ZNF618: variants seen among roughly 807,000 people sequenced by gnomAD.
ZNF618 encodes neural precursor cell expressed, developmentally down-regulated 10.
In ZNF618, 34 loss-of-function variants were observed where a neutral mutation model predicts 103.0. The observed-to-expected ratio is 0.33, with a 90% CI of 0.25 to 0.44. The LOEUF is 0.44. Ranked by LOEUF, ZNF618 falls within the 20% of genes least tolerant of loss-of-function variation. The pLI is 1.00. For synonymous variants in ZNF618, 551 were observed against 542.2 expected (o/e 1.02, Z -0.23); for missense variants, 1,059 against 1,295.4 (o/e 0.82, Z 2.80).
At chr9:113,985,903 G>A (rs1040459194) in intron 2 of ZNF618, among the ~76,000 whole-genome samples, 2 of 152,184 alleles carry the variant, frequency 1.3e-5, no homozygotes, top group African/African-American at 2.4e-5. Context: ...GAACACTGCC[G>A]GGCACATAGG....
At chr9:113,979,494 C>T (rs1293501489) in intron 2 of ZNF618, among the ~76,000 whole-genome samples, 1 of 152,234 alleles carries the variant, frequency 6.6e-6, no homozygotes, top group East Asian at 1.9e-4. Flanking sequence ...TGTGAAACAT[C>T]CCTAACCTAT....
intron 1 of ZNF618, among the ~76,000 whole-genome samples, chr9:113,931,255 G>A (rs1290265859): frequency 6.6e-6 from 1 of 152,228 alleles, no homozygotes; most frequent in Non-Finnish European, 1.5e-5. Context: ...TCAGCATAGA[G>A]GCATGAGGTG....
At chr9:113,983,149 T>C (rs575829263) in intron 2 of ZNF618, among the ~76,000 whole-genome samples, 1 of 152,302 alleles carries the variant, frequency 6.6e-6, no homozygotes, top group Non-Finnish European at 1.5e-5. Flanking sequence ...TACCTAATGA[T>C]TCGTGCTGAG....
intron 3 of ZNF618, among the ~76,000 whole-genome samples, chr9:113,989,839 TG>T (rs1839859258): frequency 1.3e-5 from 2 of 152,248 alleles, no homozygotes; most frequent in South Asian, 4.1e-4. Context: ...ACCTGGGTCA[TG>T]GCAGCATCCT....
chr9:114,009,481 A>C (rs1842051113), intron 9 of ZNF618, among the ~76,000 whole-genome samples: 3 of 152,062 alleles, frequency 2.0e-5, no homozygotes, highest in African/African-American at 7.2e-5. Flanking sequence ...TGCTGCTGGG[A>C]GGAAGATAGA....
intron 3 of ZNF618, among the ~76,000 whole-genome samples, chr9:113,989,503 T>G (rs1377564587): frequency 6.6e-6 from 1 of 152,266 alleles, no homozygotes; most frequent in Non-Finnish European, 1.5e-5. Context: ...CATAAAGTCC[T>G]CATTCCTGGC....
At chr9:113,949,682 C>T (rs533879856) in intron 1 of ZNF618, among the ~76,000 whole-genome samples, 1 of 152,360 alleles carries the variant, frequency 6.6e-6, no homozygotes, top group South Asian at 2.1e-4. Flanking sequence ...CCTACATGGT[C>T]CACCTCTGTC....
At chr9:113,966,095 C>T (rs1837383254) in intron 1 of ZNF618, among the ~76,000 whole-genome samples, 1 of 152,166 alleles carries the variant, frequency 6.6e-6, no homozygotes, top group African/African-American at 2.4e-5. Flanking sequence ...ATAGTGGCCT[C>T]TATAACTATA....
At chr9:113,934,968 G>A (rs780761828) in intron 1 of ZNF618, among the ~76,000 whole-genome samples, 1 of 152,222 alleles carries the variant, frequency 6.6e-6, no homozygotes, top group Non-Finnish European at 1.5e-5. Context: ...GGCTCAGCAT[G>A]GTTAGGTCAT....
chr9:113,906,308 A>T, intron 1 of ZNF618, among the ~76,000 whole-genome samples: 1 of 152,082 alleles, frequency 6.6e-6, no homozygotes, highest in African/African-American at 2.4e-5. Context: ...TGAGCTCCAT[A>T]AAGTGCTGGG....
Position 114,051,183 on chromosome 9 carries a change from T to C in ZNF618, c.*1016T>C, listed in dbSNP as rs1240811697. On this transcript the variant is annotated 3_prime_UTR_variant, in exon 15 of 15. Coordinates refer to ENST00000374126, the MANE Select transcript of ZNF618 (RefSeq NM_001318042.2). Reference sequence around the variant, plus strand: ...ATGTTTTGGAGTTTTGTTTTTTTACTTGCCCCTTTTGTTCCTCAAGTCACA... The same window carrying C: ...ATGTTTTGGAGTTTTGTTTTTTTACCTGCCCCTTTTGTTCCTCAAGTCACA... 6.5e-6 allele frequency: 1 copy of C among 152,682 alleles called. No individual in the cohort carries two copies. Among genetic ancestry groups the C allele is most frequent in the Non-Finnish European group, 1.5e-5 (1 of 68,096 alleles). 9.5% of individuals were successfully genotyped at this position (152,682 alleles called of 1,614,324 possible).
chr9:113,976,564 G>A (rs1838489822), intron 2 of ZNF618, among the ~76,000 whole-genome samples: 1 of 152,180 alleles, frequency 6.6e-6, no homozygotes, highest in South Asian at 2.1e-4. Context: ...AGTTAACAGT[G>A]TCGGGACACC....
At chr9:113,926,562 C>T (rs993111364) in intron 1 of ZNF618, among the ~76,000 whole-genome samples, 1 of 152,054 alleles carries the variant, frequency 6.6e-6, no homozygotes, top group African/African-American at 2.4e-5. Flanking sequence ...CTATTTTTTA[C>T]ACTCTTTTTT....
intron 1 of ZNF618, among the ~76,000 whole-genome samples, chr9:113,918,392 A>G (rs147249059): frequency 6.6e-6 from 1 of 152,120 alleles, no homozygotes; most frequent in Non-Finnish European, 1.5e-5. Flanking sequence ...AGACTATGCA[A>G]ATATCTCATT....
rs774443621 is a variant in ZNF618 at position 114,051,684 on chromosome 9, A to G, written c.*1517A>G. On this transcript the variant is annotated 3_prime_UTR_variant, in exon 15 of 15. Transcript: ENST00000374126. ...GAGCATGGTGCCTTGTGGCCCCAAC[A>G]GTTGATGTTCCGAGGGTGGGATGGT... 7.9e-5 allele frequency: 12 copies of G among 152,258 alleles called. No homozygotes were observed. Among genetic ancestry groups the G allele is most frequent in the Non-Finnish European group, 1.8e-4 (12 of 68,112 alleles). The allele number at this position is 152,258 out of a possible 1,614,324, so 9.4% of individuals were successfully genotyped here. A position where few individuals can be genotyped will look rare whatever the true frequency, so the allele number is the denominator to read the frequency against.
chr9:113,926,762 C>T (rs1833132019), intron 1 of ZNF618, among the ~76,000 whole-genome samples: 1 of 152,152 alleles, frequency 6.6e-6, no homozygotes, highest in African/African-American at 2.4e-5. Flanking sequence ...CTTGTAATCC[C>T]AGCATTTTGG....
At chr9:113,883,696 A>G (rs971436625) in intron 1 of ZNF618, among the ~76,000 whole-genome samples, 7 of 152,140 alleles carry the variant, frequency 4.6e-5, no homozygotes, top group Non-Finnish European at 8.8e-5. Flanking sequence ...TTTGTGGCCA[A>G]TTTCAGCAAG....
chr9:114,008,449 G>T (rs1390323154), intron 8 of ZNF618, 28 bp from the exon 9 acceptor site: 1 of 1,613,798 alleles, frequency 6.2e-7, no homozygotes, highest in South Asian at 1.1e-5. Flanking sequence ...GGGGACCAGG[G>T]TGCTAAGGGC....
Position 113,977,345 on chromosome 9 carries a change from G to A in ZNF618, c.77+8185G>A, listed in dbSNP as rs553856117. On this transcript the variant is annotated intron_variant, in intron 2 of 14. Coordinates refer to ENST00000374126, the MANE Select transcript of ZNF618 (RefSeq NM_001318042.2). Reference sequence around the variant, plus strand: ...TTGGACCTTGGAGAATTAGAAAAAGGAGTAGTTGCTAAGTCATAGCCTTGG... The same window carrying A: ...TTGGACCTTGGAGAATTAGAAAAAGAAGTAGTTGCTAAGTCATAGCCTTGG... Among the ~76,000 whole-genome samples the A allele has an allele frequency of 3.9e-5, 6 of 152,348 alleles. No individual in the cohort carries two copies. The East Asian group carries it at 9.6e-4, about 24-fold the overall frequency.
Sources: allele counts gnomAD v4.1 joint callset (sites outside exome capture counted in the v4.1 genomes callset), GRCh38; gene constraint gnomAD v4.1.1; transcripts MANE v1.5; gene names NCBI Gene and HGNC (gene_info 2026-07-23, HGNC 2026-07-21).